ZC3H12B: variants seen among roughly 807,000 people sequenced by gnomAD.
ZC3H12B encodes the protein probable ribonuclease ZC3H12B.
ZC3H12B carries 7 observed loss-of-function variants against 43.9 expected under a neutral mutation model. The observed-to-expected ratio is 0.16, with a 90% CI of 0.09 to 0.30. ZC3H12B has a LOEUF of 0.30. Among genes scored for constraint, ZC3H12B ranks in the 10% least tolerant of loss-of-function variants. The probability of loss-of-function intolerance (pLI) is 1.00; values close to 1 mark genes in which losing one functional copy is unlikely to be tolerated. For synonymous variants in ZC3H12B, 222 were observed against 241.7 expected, an observed-to-expected ratio of 0.92 and a Z score of 0.76; for missense variants, 475 against 670.2, an observed-to-expected ratio of 0.71 and a Z score of 3.22.
chrX:65,144,693 A>ATTTT, the ZC3H12B span, among the ~76,000 whole-genome samples: 1 of 110,511 alleles, frequency 9.0e-6, no homozygotes, highest in African/African-American at 3.3e-5. Context: ...CAGTTGAAGA[A>ATTTT]TTTTTTTTTA....
chrX:65,153,341 A>C, the ZC3H12B span, among the ~76,000 whole-genome samples: 1 of 112,125 alleles, frequency 8.9e-6, no homozygotes, highest in Non-Finnish European at 1.9e-5. Context: ...TCATCTGACA[A>C]AGGGCTAATA....
chrX:65,077,608 G>T, the ZC3H12B span, among the ~76,000 whole-genome samples: 1 of 112,408 alleles, frequency 8.9e-6, no homozygotes, highest in Admixed American at 9.4e-5. Flanking sequence ...CTGCCTCTCT[G>T]TGCAAATCAG....
At chrX:65,224,710 C>T in the ZC3H12B span, among the ~76,000 whole-genome samples, 2 of 112,104 alleles carry the variant, frequency 1.8e-5, no homozygotes, top group Non-Finnish European at 3.8e-5. Flanking sequence ...AAACGGCACA[C>T]CAGGAGATTA....
At chrX:65,245,246 A>G in the ZC3H12B span, among the ~76,000 whole-genome samples, 2 of 111,686 alleles carry the variant, frequency 1.8e-5, no homozygotes, top group Admixed American at 9.5e-5. Flanking sequence ...TTGAGGCAGT[A>G]AAAAATAGCC....
chrX:65,496,230 T>G (rs2068279133), intron 1 of ZC3H12B, among the ~76,000 whole-genome samples: 1 of 112,164 alleles, frequency 8.9e-6, no homozygotes, highest in African/African-American at 3.2e-5. Context: ...CATCTTAAAA[T>G]TTTCATGAAT....
intron 2 of ZC3H12B, among the ~76,000 whole-genome samples, chrX:65,394,364 G>C (rs913586223): frequency 3.6e-5 from 4 of 112,282 alleles, no homozygotes; most frequent in African/African-American, 9.7e-5. Context: ...AATCCATCTT[G>C]AGCTAATTTT....
intron 3 of ZC3H12B, among the ~76,000 whole-genome samples, chrX:65,415,962 T>A (rs1289802639): frequency 8.9e-6 from 1 of 112,199 alleles, no homozygotes; most frequent in Non-Finnish European, 1.9e-5. Flanking sequence ...CAAAAATAAA[T>A]TTTTCAGACA....
chrX:65,467,494 C>A (rs771575669), intron 3 of ZC3H12B, among the ~76,000 whole-genome samples: 2 of 111,670 alleles, frequency 1.8e-5, no homozygotes, highest in African/African-American at 3.2e-5. Context: ...GATTGAATGG[C>A]AGATCTACTT....
chrX:65,463,768 C>A lies in ZC3H12B; in HGVS notation n.408-24878C>A, dbSNP rs770767648. On this transcript the variant is annotated intron_variant and non_coding_transcript_variant, in intron 3 of 5. Transcript: ENST00000617377. ...TTCAAAATATGCTGGTTTCTTATCA[C>A]CACTCTAAGTCACGCAAGACAGAAA... Among the ~76,000 whole-genome samples the A allele has an allele frequency of 2.7e-5, 3 of 111,115 alleles. No individual in the cohort carries two copies. In the East Asian group the frequency reaches 8.4e-4, roughly 31 times the overall value.
chrX:65,276,783 C>A, the ZC3H12B span, among the ~76,000 whole-genome samples: 8 of 111,549 alleles, frequency 7.2e-5, no homozygotes, highest in South Asian at 3.7e-4. Flanking sequence ...CTTATCACTA[C>A]AGAAAGAAAC....
At chrX:65,185,917 C>T in the ZC3H12B span, 2 of 111,415 alleles carry the variant, frequency 1.8e-5, no homozygotes, top group African/African-American at 3.3e-5. Context: ...GAATGCGCTT[C>T]ATCTACCACA....
At chrX:65,204,815 G>T in the ZC3H12B span, among the ~76,000 whole-genome samples, 4 of 111,935 alleles carry the variant, frequency 3.6e-5, no homozygotes, top group Admixed American at 3.8e-4. Context: ...TCTTAATTGT[G>T]TTTCAATGGA....
At chrX:65,066,437 C>G in the ZC3H12B span, among the ~76,000 whole-genome samples, 1 of 111,769 alleles carries the variant, frequency 8.9e-6, no homozygotes, top group Non-Finnish European at 1.9e-5. Context: ...GAGGTCCACT[C>G]CAGACCCTGT....
the ZC3H12B span, among the ~76,000 whole-genome samples, chrX:65,057,693 T>C: frequency 3.6e-5 from 4 of 112,093 alleles, no homozygotes; most frequent in Admixed American, 9.5e-5. Context: ...AACTTGGTTC[T>C]ATTCTCCCCG....
chrX:65,280,886 A>G, the ZC3H12B span, among the ~76,000 whole-genome samples: 1 of 112,388 alleles, frequency 8.9e-6, no homozygotes, highest in Non-Finnish European at 1.9e-5. Context: ...ATCAAAGATT[A>G]TACAAACAAA....
At chrX:65,293,439 T>G in the ZC3H12B span, among the ~76,000 whole-genome samples, 1 of 109,486 alleles carries the variant, frequency 9.1e-6, no homozygotes, top group Non-Finnish European at 1.9e-5. Flanking sequence ...TGTGACAAAA[T>G]AAGTGTATTT....
chrX:65,035,669 C>A, the ZC3H12B span, among the ~76,000 whole-genome samples: 5 of 110,969 alleles, frequency 4.5e-5, no homozygotes, highest in Admixed American at 9.6e-5. Flanking sequence ...GGAGCCCATT[C>A]CCCGGGCTGC....
chrX:65,361,112 T>C, the ZC3H12B span, among the ~76,000 whole-genome samples: 11 of 112,218 alleles, frequency 9.8e-5, no homozygotes, highest in Non-Finnish European at 1.9e-5. Context: ...TTTTCTGAAA[T>C]TTTAATTTTT....
Position 65,450,850 on chromosome X carries a change from T to C in ZC3H12B, n.408-37796T>C, listed in dbSNP as rs189026670. On this transcript the variant is annotated intron_variant and non_coding_transcript_variant, in intron 3 of 5. Transcript: ENST00000617377. ...ACATATGTGTATATATGTATATATA[T>C]ACATATGTGTATATATGTATATATA... Among the ~76,000 whole-genome samples, 151 of 69,941 alleles carry C rather than the reference T, an allele frequency of 2.2e-3. 13 individuals are homozygous for C. The highest frequency in any genetic ancestry group is 0.019 in the African/African-American group (141 of 7,619). 60.7% of individuals were successfully genotyped at this position (69,941 alleles called of 115,157 possible).
Sources: allele counts gnomAD v4.1 joint callset (sites outside exome capture counted in the v4.1 genomes callset), GRCh38; gene constraint gnomAD v4.1.1; transcripts MANE v1.5; gene names NCBI Gene and HGNC (gene_info 2026-07-23, HGNC 2026-07-21).